The following LARGE1 variants were observed in gnomAD, a reference collection of about 807,000 sequenced individuals.
LARGE1 encodes LARGE xylosyl- and glucuronyltransferase 1.
A neutral mutation model predicts 87.6 loss-of-function variants in LARGE1; 43 were observed. That is an observed-to-expected ratio of 0.49 (90% confidence interval 0.38 to 0.63). The LOEUF (loss-of-function observed/expected upper bound fraction) is 0.63. Ranked by LOEUF, LARGE1 falls within the 30% of genes least tolerant of loss-of-function variation. The pLI is 0.00. For missense variants in LARGE1, 802 were observed against 1,000.2 expected, an observed-to-expected ratio of 0.80 and a Z score of 2.67; for synonymous variants, 434 against 394.6, an observed-to-expected ratio of 1.10 and a Z score of -1.18.
At chr22:33,309,095 C>T (rs771767043) in intron 11 of LARGE1, among the ~76,000 whole-genome samples, 2 of 151,770 alleles carry the variant, frequency 1.3e-5, no homozygotes, top group Admixed American at 6.6e-5. Flanking sequence ...GGAAAAAAGA[C>T]AATCGACAAA....
At chr22:33,430,604 A>G (rs1471455191) in intron 7 of LARGE1, among the ~76,000 whole-genome samples, 1 of 152,208 alleles carries the variant, frequency 6.6e-6, no homozygotes, top group African/African-American at 2.4e-5. Flanking sequence ...AAAATTACAT[A>G]GAGCAAGGCA....
chr22:33,722,848 G>A (rs979418797), intron 2 of LARGE1, among the ~76,000 whole-genome samples: 7 of 152,188 alleles, frequency 4.6e-5, no homozygotes, highest in African/African-American at 1.2e-4. Context: ...GGGAACCATC[G>A]AGGCCGCAGC....
At chr22:33,354,817 A>G (rs1365802460) in intron 9 of LARGE1, among the ~76,000 whole-genome samples, 1 of 152,210 alleles carries the variant, frequency 6.6e-6, no homozygotes, top group African/African-American at 2.4e-5. Flanking sequence ...TAGTATTTGT[A>G]TAACATGCCC....
At chr22:33,599,889 T>C (rs951683592) in intron 5 of LARGE1, among the ~76,000 whole-genome samples, 1 of 152,180 alleles carries the variant, frequency 6.6e-6, no homozygotes, top group African/African-American at 2.4e-5. Flanking sequence ...CCTAAGGTCG[T>C]CTACTGGATG....
chr22:33,241,692 C>G (rs1926531544), intron 11 of LARGE1, among the ~76,000 whole-genome samples: 1 of 151,470 alleles, frequency 6.6e-6, no homozygotes, highest in Non-Finnish European at 1.5e-5. Context: ...CAATGAAATA[C>G]TATTCAGCCT....
chr22:33,347,695 C>G (rs1939918089), intron 9 of LARGE1, among the ~76,000 whole-genome samples: 1 of 152,122 alleles, frequency 6.6e-6, no homozygotes, highest in South Asian at 2.1e-4. Context: ...CAAGCCAGAC[C>G]CAGCTCCAGC....
intron 1 of LARGE1, among the ~76,000 whole-genome samples, chr22:33,896,167 C>T (rs2065139751): frequency 6.6e-6 from 1 of 152,188 alleles, no homozygotes; most frequent in Non-Finnish European, 1.5e-5. Flanking sequence ...AGGGACTTTA[C>T]ATAGGTGGAA....
At chr22:33,451,449 C>A (rs1202376885) in intron 6 of LARGE1, among the ~76,000 whole-genome samples, 2 of 151,986 alleles carry the variant, frequency 1.3e-5, no homozygotes, top group Non-Finnish European at 2.9e-5. Flanking sequence ...GATTTTGGTG[C>A]ACCCATCACC....
chr22:33,367,147 G>A (rs182158672), intron 9 of LARGE1, among the ~76,000 whole-genome samples: 36 of 151,054 alleles, frequency 2.4e-4, no homozygotes, highest in Non-Finnish European at 4.7e-4. Context: ...TCTGCTAATT[G>A]ATTGAAAGCT....
chr22:33,276,925 GTAC>G (rs1929419644), intron 14 of LARGE1, 132 bp downstream of exon 14: 1 of 870,856 alleles, frequency 1.1e-6, no homozygotes, highest in Non-Finnish European at 1.9e-6. Flanking sequence ...CCAAGGATCA[GTAC>G]TACCACTGGT....
intron 6 of LARGE1, among the ~76,000 whole-genome samples, chr22:33,526,391 C>A (rs758925484): frequency 6.6e-6 from 1 of 152,196 alleles, no homozygotes; most frequent in Non-Finnish European, 1.5e-5. Context: ...ATGGACCTTA[C>A]GTGGCTTGAG....
intron 1 of LARGE1, among the ~76,000 whole-genome samples, chr22:33,865,681 G>C (rs1244878613): frequency 6.6e-6 from 1 of 152,048 alleles, no homozygotes; most frequent in Non-Finnish European, 1.5e-5. Flanking sequence ...GGAGAATCCA[G>C]CTACACTAGT....
At chr22:33,548,123 T>C (rs1328879634) in intron 6 of LARGE1, among the ~76,000 whole-genome samples, 1 of 152,158 alleles carries the variant, frequency 6.6e-6, no homozygotes, top group East Asian at 1.9e-4. Flanking sequence ...TACTGGGAAG[T>C]GAATGGTTCA....
rs529597005 is a variant in LARGE1 at position 33,467,420 on chromosome 22, A to G, written c.788-35155T>C. Among the ~76,000 whole-genome samples the G allele has an allele frequency of 4.6e-5, 7 of 152,342 alleles. No homozygotes were observed. The East Asian group carries it at 1.4e-3, about 29-fold the overall frequency. ...CATCTTCCAACTTTTTGTGATAGCT[A>G]ATTCATTAAGAGGCAGAATCCAGAG... On this transcript the variant is annotated intron_variant, in intron 6 of 14. Transcript: ENST00000397394.
At chr22:33,545,128 C>T (rs900052166) in intron 6 of LARGE1, among the ~76,000 whole-genome samples, 6 of 152,076 alleles carry the variant, frequency 3.9e-5, no homozygotes, top group Non-Finnish European at 7.4e-5. Flanking sequence ...ATAGAAGAGA[C>T]GAATTCATTC....
At chr22:33,835,875 T>C (rs149335199) in intron 1 of LARGE1, among the ~76,000 whole-genome samples, 56 of 152,352 alleles carry the variant, frequency 3.7e-4, no homozygotes, top group African/African-American at 1.3e-3. Context: ...AAGATCCAGA[T>C]GAAGCCAGTA....
At chr22:33,837,722 G>A (rs902855340) in intron 1 of LARGE1, among the ~76,000 whole-genome samples, 1 of 152,218 alleles carries the variant, frequency 6.6e-6, no homozygotes, top group South Asian at 2.1e-4. Flanking sequence ...GAAGCCTATG[G>A]CCAGAGCCGG....
At chr22:33,838,788 C>G (rs2063184432) in intron 1 of LARGE1, among the ~76,000 whole-genome samples, 2 of 152,142 alleles carry the variant, frequency 1.3e-5, no homozygotes, top group African/African-American at 2.4e-5. Context: ...CCTCACTCCC[C>G]CAAAGGCTCC....
In LARGE1 at chr22:33,688,420, C is replaced by T. The variant is rs531370075; in HGVS notation, c.107-37752G>A. 9.2e-5 allele frequency among the ~76,000 whole-genome samples: 14 copies of T among 152,192 alleles called. No homozygotes were observed. In the South Asian group the frequency reaches 2.7e-3, roughly 29 times the overall value. ...AGGCTGGAATGCAATGGTGCGATCT[C>T]GGCTCACTGCAACCTCTGCCTCCTG... On this transcript the variant is annotated intron_variant, in intron 2 of 14. Coordinates refer to ENST00000397394, the MANE Select transcript of LARGE1 (RefSeq NM_133642.5).
Sources: gnomAD v4.1 joint callset for allele counts (sites outside exome capture counted in the v4.1 genomes callset) on GRCh38, gnomAD v4.1.1 for gene constraint, MANE v1.5 for transcripts, NCBI Gene and HGNC (gene_info 2026-07-23, HGNC 2026-07-21) for gene names.